The following FBN2 variants were observed in gnomAD, a reference collection of about 807,000 sequenced individuals.
The protein encoded by FBN2 is fibrillin 2, also known as fibrillin-2.
Under a neutral mutation model 355.6 loss-of-function variants are expected in FBN2, and 105 were observed. The observed-to-expected ratio is 0.30, with a 90% confidence interval of 0.25 to 0.35. The LOEUF (loss-of-function observed/expected upper bound fraction) is 0.35. FBN2 is among the 10% of genes least tolerant of loss of function. The pLI is 1.00. For synonymous variants in FBN2, 1,350 were observed against 1,301.2 expected (o/e 1.04, Z -0.81); for missense variants, 3,280 against 3,758.7 (o/e 0.87, Z 3.33).
At chr5:128,347,258 G>A (rs987708213) in intron 23 of FBN2, among the ~76,000 whole-genome samples, 4 of 152,192 alleles carry the variant, frequency 2.6e-5, no homozygotes, top group African/African-American at 9.7e-5. Flanking sequence ...AACTATGCAT[G>A]TAAAAAGTTA....
intron 7 of FBN2, among the ~76,000 whole-genome samples, chr5:128,412,748 G>A (rs1302616221): frequency 6.6e-6 from 1 of 152,216 alleles, no homozygotes; most frequent in African/African-American, 2.4e-5. Flanking sequence ...CTTTTATTCT[G>A]AAGGTGATGA....
At chr5:128,337,417 A>G (rs1044804237) in intron 27 of FBN2, among the ~76,000 whole-genome samples, 3 of 152,240 alleles carry the variant, frequency 2.0e-5, no homozygotes, top group African/African-American at 7.2e-5. Flanking sequence ...TAAAGCCAGT[A>G]TACTAGGAAC....
intron 62 of FBN2, among the ~76,000 whole-genome samples, chr5:128,271,074 T>C (rs1765256747): frequency 6.6e-6 from 1 of 152,220 alleles, no homozygotes. Context: ...TCTTGATTTT[T>C]TGTTCTTAAT....
In FBN2 at chr5:128,369,280, C is replaced by T. The variant is rs773896695; in HGVS notation, c.2150G>A (p.Arg717His). The stretch of plus-strand genomic sequence containing the variant: ...CTTGGTCACTGCACCGGGGAAAGGA[C>T]GCACACACACTCCTTTCTTGATTCC... ...YGGIKKGVCV[R>H]PFPGAVTKSE... The change falls in exon 16 of 65, where the codon CGT becomes CAT. Residue 717 changes from arginine (R) to histidine (H), a missense_variant. Around this residue, in one of 6 missense-constraint regions of FBN2, gnomAD observed 2,284 missense variants for 2,749.5 expected, o/e 0.83. Coordinates refer to ENST00000262464, the MANE Select transcript of FBN2 (RefSeq NM_001999.4). 8.7e-6 allele frequency: 14 copies of T among 1,613,912 alleles called. No individual in the cohort carries two copies. In the East Asian group the frequency reaches 8.9e-5, roughly 10 times the overall value.
intron 48 of FBN2, among the ~76,000 whole-genome samples, chr5:128,294,760 G>A (rs555172210): frequency 5.3e-5 from 8 of 150,774 alleles, no homozygotes; most frequent in Non-Finnish European, 8.9e-5. Flanking sequence ...AGTAGGTTGC[G>A]AAAATTTTCT....
intron 25 of FBN2, among the ~76,000 whole-genome samples, chr5:128,342,553 T>G (rs1480889404): frequency 6.6e-6 from 1 of 151,760 alleles, no homozygotes. Flanking sequence ...TGTGTATAAG[T>G]TGAGGAACAG....
chr5:128,488,922 C>A (rs1465269633), intron 5 of FBN2, among the ~76,000 whole-genome samples: 3 of 151,974 alleles, frequency 2.0e-5, no homozygotes, highest in African/African-American at 7.3e-5. Flanking sequence ...TGGGTTGGTT[C>A]CAAGTCTTTG....
intron 7 of FBN2, among the ~76,000 whole-genome samples, chr5:128,438,113 T>C (rs1489434114): frequency 6.6e-6 from 1 of 152,128 alleles, no homozygotes; most frequent in East Asian, 1.9e-4. Flanking sequence ...GCCTCAAGCC[T>C]CCGGAGTAGC....
At chr5:128,533,502 G>A (rs918525709) in intron 2 of FBN2, among the ~76,000 whole-genome samples, 4 of 152,174 alleles carry the variant, frequency 2.6e-5, no homozygotes, top group Non-Finnish European at 5.9e-5. Flanking sequence ...AGAAATACCA[G>A]AGGGAGAGGG....
At chr5:128,336,883 T>C (rs1750856658) in intron 27 of FBN2, among the ~76,000 whole-genome samples, 5 of 152,214 alleles carry the variant, frequency 3.3e-5, no homozygotes, top group Admixed American at 3.3e-4. Context: ...TAATCAGATA[T>C]AACAAGAAAT....
Position 128,525,908 on chromosome 5 carries a change from G to A in FBN2, c.532+1964C>T, listed in dbSNP as rs542900976. ...TACAATTTTGCTGAAACACATCCTA[G>A]CTCTTTCATTCACATATTATCTATG... On this transcript the variant is annotated intron_variant, in intron 4 of 64. Transcript: ENST00000262464. Among the ~76,000 whole-genome samples, 18 of 152,194 alleles carry A rather than the reference G, an allele frequency of 1.2e-4. No individual in the cohort carries two copies. The South Asian group carries it at 3.7e-3, about 32-fold the overall frequency.
At chr5:128,446,242 T>C in intron 7 of FBN2, 1 of 400,546 alleles carries the variant, frequency 2.5e-6, no homozygotes, top group Admixed American at 3.6e-5. Context: ...TTACTCCCAT[T>C]CTCAATGCAA....
chr5:128,462,527 T>G (rs1754585693), intron 6 of FBN2, among the ~76,000 whole-genome samples: 1 of 152,194 alleles, frequency 6.6e-6, no homozygotes, highest in Non-Finnish European at 1.5e-5. Context: ...AAATTTCATT[T>G]TGTTCCTGTT....
At chr5:128,332,104 G>C (rs953359057) in intron 32 of FBN2, among the ~76,000 whole-genome samples, 1 of 152,120 alleles carries the variant, frequency 6.6e-6, no homozygotes, top group Non-Finnish European at 1.5e-5. Context: ...TATTTGAATG[G>C]ATAAAAAAGT....
chr5:128,383,155 T>C (rs1752277692), intron 11 of FBN2, among the ~76,000 whole-genome samples: 2 of 152,086 alleles, frequency 1.3e-5, no homozygotes. Flanking sequence ...AGCAAGCCCC[T>C]AAGTAGGTGA....
intron 41 of FBN2, among the ~76,000 whole-genome samples, chr5:128,307,660 T>A (rs976666691): frequency 3.3e-5 from 5 of 150,272 alleles, no homozygotes; most frequent in African/African-American, 1.2e-4. Flanking sequence ...ATGAATGAGA[T>A]GCGAATTTTG....
intron 5 of FBN2, among the ~76,000 whole-genome samples, chr5:128,476,123 G>A (rs1561475222): frequency 6.6e-6 from 1 of 152,114 alleles, no homozygotes; most frequent in Non-Finnish European, 1.5e-5. Context: ...ATAAAAAGGT[G>A]ACCATTAGTT....
rs185412458 is a variant in FBN2, at chr5:128,529,897, C to A, written c.436+698G>T. 4.5e-3 allele frequency among the ~76,000 whole-genome samples: 678 copies of A among 152,178 alleles called. 6 individuals are homozygous for A. The highest frequency in any genetic ancestry group is 0.014 in the South Asian group (69 of 4,822). ...AGACAATGGCATTTGATGTATGAAT[C>A]CTGAATCTTATTCCTGAGTCAGACA... is the stretch of plus-strand genomic sequence containing the variant. On this transcript the variant is annotated intron_variant, in intron 3 of 64. Coordinates refer to ENST00000262464, the MANE Select transcript of FBN2 (RefSeq NM_001999.4).
intron 34 of FBN2, among the ~76,000 whole-genome samples, chr5:128,326,097 G>C (rs2126883356): frequency 6.6e-6 from 1 of 152,308 alleles, no homozygotes; most frequent in East Asian, 1.9e-4. Flanking sequence ...TTCACAGAAT[G>C]CCTGCATAGT....
Sources: gnomAD v4.1 joint callset for allele counts (sites outside exome capture counted in the v4.1 genomes callset) on GRCh38, gnomAD v4.1.1 for gene constraint, gnomAD v4.1.1 regional missense constraint, MANE v1.5 for transcripts, NCBI Gene and HGNC (gene_info 2026-07-23, HGNC 2026-07-21) for gene names.